Variants in NDUFAF6 observed in about 807,000 individuals in gnomAD.
NDUFAF6 encodes the protein NADH:ubiquinone oxidoreductase complex assembly factor 6, also known as NADH dehydrogenase (ubiquinone) complex I, assembly factor 6.
Under a neutral mutation model 40.8 loss-of-function variants are expected in NDUFAF6, and 45 were observed. The ratio of observed to expected loss-of-function variants is 1.10; its 90% confidence interval spans 0.87 to 1.42. NDUFAF6 has a LOEUF of 1.42. NDUFAF6 is among the 40% of genes most tolerant of loss of function. The pLI, the probability that NDUFAF6 is intolerant of heterozygous loss-of-function variation, is 0.00. For synonymous variants in NDUFAF6, 185 were observed against 155.9 expected (o/e 1.19, Z -1.39); for missense variants, 435 against 418.5 (o/e 1.04, Z -0.34).
intron 1 of NDUFAF6, among the ~76,000 whole-genome samples, chr8:94,976,238 G>T (rs1174183898): frequency 6.7e-6 from 1 of 150,374 alleles, no homozygotes; most frequent in Non-Finnish European, 1.5e-5. Flanking sequence ...GGTGGTGGTG[G>T]CTCACGCCTG....
At chr8:95,045,893 TTAA>T (rs1382647771) in intron 5 of NDUFAF6, among the ~76,000 whole-genome samples, 8 of 152,132 alleles carry the variant, frequency 5.3e-5, no homozygotes, top group African/African-American at 1.9e-4. Context: ...AATGTTGAAA[TTAA>T]TAATCTGGTA....
In NDUFAF6 at chr8:95,035,612, A is replaced by C. The variant is rs527921245; in HGVS notation, c.420+36A>C. ...AAAAATACCACTTTTAATTTGTATG[A>C]ATATTATTCGAGTCTACTTTTTGAT... On this transcript the variant is annotated intron_variant, in intron 3 of 8. Coordinates refer to ENST00000396124, the MANE Select transcript of NDUFAF6 (RefSeq NM_152416.4). The C allele has an allele frequency of 2.5e-6, 4 of 1,588,508 alleles. No individual in the cohort carries two copies. In the East Asian group the frequency reaches 6.7e-5, roughly 27 times the overall value.
At chr8:94,939,821 A>G in intron 1 of NDUFAF6, 1 of 1,579,300 alleles carries the variant, frequency 6.3e-7, no homozygotes, top group Non-Finnish European at 8.6e-7. Context: ...ATGCATGCTC[A>G]GTGGACTGCC....
chr8:94,908,375 ATTTG>A (rs1350948498), intron 1 of NDUFAF6, among the ~76,000 whole-genome samples: 1 of 152,164 alleles, frequency 6.6e-6, no homozygotes, highest in African/African-American at 2.4e-5. Flanking sequence ...TGCCACATTT[ATTTG>A]TTTATTTTTA....
chr8:94,966,518 C>T (rs1192673493), intron 1 of NDUFAF6, among the ~76,000 whole-genome samples: 4 of 152,134 alleles, frequency 2.6e-5, no homozygotes, highest in South Asian at 4.1e-4. Context: ...TGCTTGAGCC[C>T]GGAAGTTTGA....
At chr8:94,991,752 G>T (rs1333698240) in intron 2 of NDUFAF6, among the ~76,000 whole-genome samples, 3 of 148,674 alleles carry the variant, frequency 2.0e-5, no homozygotes, top group Admixed American at 6.7e-5. Context: ...CATCTATCTT[G>T]GAAATCTTTC....
chr8:95,111,178 G>A (rs1222115780), intron 4 of NDUFAF6, among the ~76,000 whole-genome samples: 2 of 152,164 alleles, frequency 1.3e-5, no homozygotes, highest in African/African-American at 4.8e-5. Flanking sequence ...GAGAGATGAA[G>A]CAGAGAGGAA....
chr8:94,901,828 G>T (rs778860358), intron 1 of NDUFAF6, among the ~76,000 whole-genome samples: 1 of 152,012 alleles, frequency 6.6e-6, no homozygotes, highest in Non-Finnish European at 1.5e-5. Flanking sequence ...CAAGTGATCC[G>T]CTGGCCTCAG....
chr8:94,943,322 C>CA lies in NDUFAF6; in HGVS notation c.-935-2154dup, dbSNP rs934975954. ...TAGGCAACAAAATAACCTGTTTCTA[C>CA]AAAAAAATTTTAAAAAATTAGCCAG... is the stretch of plus-strand genomic sequence containing the variant. On this transcript the variant is annotated intron_variant, in intron 1 of 14. Coordinates refer to the NDUFAF6 transcript ENST00000396113. Among the ~76,000 whole-genome samples, 123 of 152,132 alleles carry CA rather than the reference C, an allele frequency of 8.1e-4. 2 individuals are homozygous for CA. Among genetic ancestry groups the CA allele is most frequent in the Non-Finnish European group, 1.6e-3 (107 of 67,986 alleles).
At chr8:95,070,608 TA>T (rs1472287158) in intron 9 of NDUFAF6, among the ~76,000 whole-genome samples, 1 of 152,094 alleles carries the variant, frequency 6.6e-6, no homozygotes, top group African/African-American at 2.4e-5. Context: ...ATTATGAAAT[TA>T]AAAAGATATA....
At position 95,047,090 on chromosome 8, in the gene NDUFAF6, G is replaced by A. The variant is rs775273607; in HGVS notation, c.677G>A (p.Arg226Lys). ...AGAGCAACACCATATCATGGGAGCA[G>A]AAGAAAGGTGTTCCTTCCCATGGAT... ...CLRATPYHGS[R>K]RKVFLPMDIC... The change falls in exon 6 of 9, where the codon AGA becomes AAA. Residue 226 changes from arginine to lysine, a missense_variant. Physicochemically the swap from Arg to Lys is conservative, Grantham distance 26. Coordinates refer to ENST00000396124, the MANE Select transcript of NDUFAF6 (RefSeq NM_152416.4). 12 of 1,614,196 alleles carry A rather than the reference G, an allele frequency of 7.4e-6. No homozygotes were observed. The South Asian group carries it at 1.3e-4, about 18-fold the overall frequency.
intron 1 of NDUFAF6, chr8:94,930,511 G>C (rs372267324): frequency 5.6e-6 from 9 of 1,614,124 alleles, no homozygotes; most frequent in Non-Finnish European, 7.6e-6. Flanking sequence ...CAGGGCTGAT[G>C]AACAACCCAG....
intron 1 of NDUFAF6, chr8:94,930,039 A>G (rs1377254249): frequency 6.3e-6 from 1 of 159,910 alleles, no homozygotes; most frequent in African/African-American, 2.4e-5. Context: ...CATCATATAC[A>G]GAGAGATTAT....
At chr8:94,977,322 G>A (rs972984065) in intron 1 of NDUFAF6, among the ~76,000 whole-genome samples, 3 of 151,684 alleles carry the variant, frequency 2.0e-5, no homozygotes, top group African/African-American at 7.3e-5. Flanking sequence ...GACCAGCCTG[G>A]ACAACAAAAA....
chr8:95,076,748 C>T (rs957587484), downstream of NDUFAF6, among the ~76,000 whole-genome samples: 3 of 152,074 alleles, frequency 2.0e-5, no homozygotes, highest in Admixed American at 1.3e-4. Context: ...TGGCCCATGC[C>T]TCTAATCCCA....
At chr8:95,017,444 G>A (rs1827509874) in intron 2 of NDUFAF6, among the ~76,000 whole-genome samples, 1 of 152,182 alleles carries the variant, frequency 6.6e-6, no homozygotes, top group African/African-American at 2.4e-5. Context: ...GAAGCCAGAA[G>A]TCATGAGCAT....
chr8:95,027,673 A>T (rs1828329336), intron 1 of NDUFAF6, among the ~76,000 whole-genome samples: 1 of 151,966 alleles, frequency 6.6e-6, no homozygotes, highest in African/African-American at 2.4e-5. Flanking sequence ...AAATGTGATG[A>T]TATAGTAAAA....
chr8:94,998,037 C>T (rs1358714555), intron 2 of NDUFAF6, among the ~76,000 whole-genome samples: 1 of 152,166 alleles, frequency 6.6e-6, no homozygotes, highest in Admixed American at 6.5e-5. Context: ...GGGAATGCAT[C>T]TTCTCCTTCT....
intron 4 of NDUFAF6, among the ~76,000 whole-genome samples, chr8:95,042,114 A>G (rs918626471): frequency 4.6e-5 from 7 of 152,178 alleles, no homozygotes; most frequent in South Asian, 2.1e-4. Context: ...AATATACCCC[A>G]GTACTTGGAT....
Sources: allele counts gnomAD v4.1 joint callset (sites outside exome capture counted in the v4.1 genomes callset), GRCh38; gene constraint gnomAD v4.1.1; transcripts MANE v1.5; gene names NCBI Gene and HGNC (gene_info 2026-07-23, HGNC 2026-07-21).